The following HDAC9 variants were observed in gnomAD, a reference collection of about 807,000 sequenced individuals.
HDAC9 encodes the protein MEF-2 interacting transcription repressor (MITR) protein.
HDAC9 carries 41 observed loss-of-function variants against 139.4 expected under a neutral mutation model. That is an observed-to-expected ratio of 0.29 (90% CI 0.23 to 0.38). HDAC9 has a LOEUF of 0.38. Among genes scored for constraint, HDAC9 ranks in the 10% least tolerant of loss-of-function variants. HDAC9 has a pLI of 1.00. For missense variants in HDAC9, 1,147 were observed against 1,297.0 expected (o/e 0.88, Z 1.78); for synonymous variants, 517 against 476.2 (o/e 1.09, Z -1.12).
chr7:18,643,795 A>T (rs776604603), intron 8 of HDAC9, among the ~76,000 whole-genome samples: 1 of 152,110 alleles, frequency 6.6e-6, no homozygotes, highest in Admixed American at 6.6e-5. Context: ...CCACTGTGTC[A>T]TACTGTTACA....
chr7:18,980,948 C>T (rs1407764698), intron 25 of HDAC9, among the ~76,000 whole-genome samples: 1 of 151,770 alleles, frequency 6.6e-6, no homozygotes, highest in East Asian at 1.9e-4. Context: ...CTCAGCCTCT[C>T]GAGTATCTGG....
chr7:18,136,129 C>T (rs1176226415), intron 1 of HDAC9, among the ~76,000 whole-genome samples: 4 of 150,158 alleles, frequency 2.7e-5, no homozygotes, highest in East Asian at 3.9e-4. Flanking sequence ...TCATGTCCTT[C>T]ACCCACTTTT....
chr7:18,988,662 G>GTGTT (rs1298687707), intron 25 of HDAC9, among the ~76,000 whole-genome samples: 2 of 151,920 alleles, frequency 1.3e-5, no homozygotes, highest in African/African-American at 4.8e-5. Context: ...TGACAGTGGG[G>GTGTT]TGTTAAAGTC....
chr7:18,774,862 G>A (rs1389401677), intron 16 of HDAC9, among the ~76,000 whole-genome samples: 1 of 152,026 alleles, frequency 6.6e-6, no homozygotes, highest in Admixed American at 6.6e-5. Flanking sequence ...GGGCACAACA[G>A]GTCTAGTTTT....
intron 23 of HDAC9, among the ~76,000 whole-genome samples, chr7:18,952,699 A>G (rs1347401025): frequency 1.1e-4 from 16 of 152,006 alleles, no homozygotes; most frequent in Non-Finnish European, 2.4e-4. Context: ...AGAGAGTGTT[A>G]CTAGACTAAC....
intron 25 of HDAC9, among the ~76,000 whole-genome samples, chr7:18,990,785 T>G (rs1228874294): frequency 6.6e-6 from 1 of 152,224 alleles, no homozygotes; most frequent in Non-Finnish European, 1.5e-5. Context: ...AAAAGCGCAG[T>G]ATTTGGGTGG....
intron 1 of HDAC9, among the ~76,000 whole-genome samples, chr7:18,474,974 G>T (rs767658053): frequency 1.3e-5 from 2 of 152,200 alleles, no homozygotes; most frequent in Admixed American, 6.5e-5. Context: ...AGCATAAAAT[G>T]TAATTGAAAG....
At chr7:18,758,138 G>A (rs1271376103) in intron 14 of HDAC9, among the ~76,000 whole-genome samples, 1 of 152,072 alleles carries the variant, frequency 6.6e-6, no homozygotes, top group East Asian at 1.9e-4. Context: ...AAGCTATGAG[G>A]TTTCATTCCT....
At chr7:18,775,132 T>C (rs780109098) in intron 16 of HDAC9, among the ~76,000 whole-genome samples, 2 of 152,070 alleles carry the variant, frequency 1.3e-5, no homozygotes, top group Admixed American at 6.6e-5. Flanking sequence ...AAGTTCACTG[T>C]CTTATATGGG....
chr7:18,556,511 A>C (rs1457996463), intron 2 of HDAC9, among the ~76,000 whole-genome samples: 1 of 152,080 alleles, frequency 6.6e-6, no homozygotes, highest in Non-Finnish European at 1.5e-5. Context: ...CTATGTGATC[A>C]AAAATTCAAA....
chr7:18,504,492 A>G (rs1176831746), intron 2 of HDAC9, among the ~76,000 whole-genome samples: 1 of 152,082 alleles, frequency 6.6e-6, no homozygotes, highest in Non-Finnish European at 1.5e-5. Context: ...TTTAGTAGAG[A>G]TGGGGTTTCG....
chr7:18,699,345 G>A (rs1783287982), intron 12 of HDAC9, among the ~76,000 whole-genome samples: 1 of 151,956 alleles, frequency 6.6e-6, no homozygotes, highest in South Asian at 2.1e-4. Flanking sequence ...AGTGTGGGCA[G>A]GGGAGTCTGT....
intron 1 of HDAC9, among the ~76,000 whole-genome samples, chr7:18,431,239 G>C (rs1277014646): frequency 6.6e-6 from 1 of 152,178 alleles, no homozygotes; most frequent in African/African-American, 2.4e-5. Context: ...TTAATCGTTA[G>C]ATATGGTAAT....
intron 1 of HDAC9, among the ~76,000 whole-genome samples, chr7:18,391,109 G>T (rs1786436044): frequency 6.6e-6 from 1 of 152,162 alleles, no homozygotes; most frequent in Non-Finnish European, 1.5e-5. Context: ...GTTCAGCCAG[G>T]CGCGGTGGCT....
intron 6 of HDAC9, among the ~76,000 whole-genome samples, chr7:18,611,499 A>C (rs981650013): frequency 6.6e-6 from 1 of 152,120 alleles, no homozygotes; most frequent in Non-Finnish European, 1.5e-5. Flanking sequence ...CACCAGTTTT[A>C]TAGATGAGAG....
chr7:18,411,928 T>A (rs997640154), intron 1 of HDAC9, among the ~76,000 whole-genome samples: 1 of 146,510 alleles, frequency 6.8e-6, no homozygotes, highest in Non-Finnish European at 1.5e-5. Flanking sequence ...CGGGTTCAGG[T>A]GATTCTTCTG....
In HDAC9 at chr7:18,825,967, T is replaced by C. The variant is rs559848230; in HGVS notation, c.2323-3194T>C. ...CCTATTTGAATCTCAATACAATGTC[T>C]ATAATTTGGAGGGGAATTATACAAA... On this transcript the variant is annotated intron_variant, in intron 17 of 25. Transcript: ENST00000686413. Among the ~76,000 whole-genome samples the C allele has an allele frequency of 2.0e-5, 3 of 151,300 alleles. No homozygotes were observed. The East Asian group carries it at 5.8e-4, about 29-fold the overall frequency.
chr7:18,110,783 G>A (rs1375152731), intron 1 of HDAC9, among the ~76,000 whole-genome samples: 1 of 152,172 alleles, frequency 6.6e-6, no homozygotes, highest in Non-Finnish European at 1.5e-5. Flanking sequence ...TATTACAGCG[G>A]TCCAGCCAAC....
At chr7:18,952,745 T>A (rs1490968773) in intron 23 of HDAC9, among the ~76,000 whole-genome samples, 1 of 151,594 alleles carries the variant, frequency 6.6e-6, no homozygotes, top group Non-Finnish European at 1.5e-5. Context: ...TACCACATTT[T>A]AAAAAATGAT....
Sources: gnomAD v4.1 joint callset for allele counts (sites outside exome capture counted in the v4.1 genomes callset) on GRCh38, gnomAD v4.1.1 for gene constraint, MANE v1.5 for transcripts, NCBI Gene and HGNC (gene_info 2026-07-23, HGNC 2026-07-21) for gene names.